Variants in PKIB observed in about 807,000 individuals in gnomAD.
PKIB encodes the protein cAMP-dependent protein kinase inhibitor beta.
In PKIB, 2 loss-of-function variants were observed where a neutral mutation model predicts 4.5. That is an observed-to-expected ratio of 0.44 (90% CI 0.18 to 1.39). PKIB has a LOEUF of 1.39. Ranked by LOEUF, PKIB falls within the 40% of genes most tolerant of loss-of-function variation. The pLI, the probability that PKIB is intolerant of heterozygous loss-of-function variation, is 0.27. For missense variants in PKIB, 94 were observed against 92.6 expected, an observed-to-expected ratio of 1.02 and a Z score of -0.06; for synonymous variants, 38 against 36.0, an observed-to-expected ratio of 1.06 and a Z score of -0.20.
intron 2 of PKIB, among the ~76,000 whole-genome samples, chr6:122,651,244 C>G (rs1320898093): frequency 1.3e-5 from 2 of 152,172 alleles, no homozygotes; most frequent in Non-Finnish European, 2.9e-5. Flanking sequence ...ATCCCACATA[C>G]TTAATATTCA....
intron 3 of PKIB, chr6:122,717,583 T>C: frequency 3.8e-6 from 2 of 520,220 alleles, no homozygotes; most frequent in South Asian, 3.5e-5. Flanking sequence ...GCAATCTGGC[T>C]CACACTGAGG....
At chr6:122,516,009 G>A (rs934897978) in intron 2 of PKIB, among the ~76,000 whole-genome samples, 4 of 152,052 alleles carry the variant, frequency 2.6e-5, no homozygotes, top group South Asian at 4.2e-4. Flanking sequence ...CACCACGCCC[G>A]GCCTCTTCAT....
intron 3 of PKIB, among the ~76,000 whole-genome samples, chr6:122,684,705 G>A (rs1778029887): frequency 6.6e-6 from 1 of 151,978 alleles, no homozygotes; most frequent in Non-Finnish European, 1.5e-5. Flanking sequence ...CGGCTTTTTT[G>A]TTTTTAGTTT....
At chr6:122,482,717 A>C (rs1041285367) in intron 2 of PKIB, 13 of 151,558 alleles carry the variant, frequency 8.6e-5, no homozygotes, top group African/African-American at 3.2e-4. Context: ...CACCCGGCTA[A>C]TTTTTGTATT....
At chr6:122,697,785 G>A (rs1778633993) in intron 3 of PKIB, among the ~76,000 whole-genome samples, 1 of 152,162 alleles carries the variant, frequency 6.6e-6, no homozygotes, top group African/African-American at 2.4e-5. Flanking sequence ...AGATTCCATT[G>A]TGTATTCTGA....
At chr6:122,569,278 T>G (rs947581900) in intron 2 of PKIB, among the ~76,000 whole-genome samples, 12 of 152,176 alleles carry the variant, frequency 7.9e-5, no homozygotes, top group Non-Finnish European at 1.8e-4. Context: ...CCTGGGTAAC[T>G]TAGGGCAAAC....
chr6:122,549,746 T>C (rs1469830997), intron 2 of PKIB, among the ~76,000 whole-genome samples: 1 of 151,254 alleles, frequency 6.6e-6, no homozygotes, highest in Admixed American at 6.6e-5. Context: ...TTTCCAGTTC[T>C]CTTCGCTAGA....
intron 3 of PKIB, among the ~76,000 whole-genome samples, chr6:122,708,454 C>T (rs1396127088): frequency 6.6e-6 from 1 of 152,022 alleles, no homozygotes; most frequent in Non-Finnish European, 1.5e-5. Context: ...AAAATTTCAC[C>T]TTTAGGGAGA....
chr6:122,591,517 T>A (rs1250750542), intron 3 of PKIB, among the ~76,000 whole-genome samples: 2 of 152,138 alleles, frequency 1.3e-5, no homozygotes, highest in African/African-American at 2.4e-5. Context: ...TTTTCTCTTA[T>A]CGTTTTCATT....
intron 3 of PKIB, among the ~76,000 whole-genome samples, chr6:122,694,934 T>C (rs563332508): frequency 6.6e-6 from 1 of 152,354 alleles, no homozygotes; most frequent in East Asian, 1.9e-4. Context: ...AAAGGACTGG[T>C]AAATAGAGTG....
chr6:122,628,013 A>C (rs186840062), intron 1 of PKIB, among the ~76,000 whole-genome samples: 17 of 151,706 alleles, frequency 1.1e-4, no homozygotes, highest in Middle Eastern at 3.4e-3. Flanking sequence ...CAAAATTGTG[A>C]TTCTATTGTA....
intron 2 of PKIB, among the ~76,000 whole-genome samples, chr6:122,639,339 G>A (rs938870185): frequency 1.1e-4 from 16 of 152,118 alleles, no homozygotes; most frequent in Non-Finnish European, 1.8e-4. Flanking sequence ...AAAGAATGAA[G>A]GTGATCATTA....
At chr6:122,699,409 G>A (rs927983199) in intron 3 of PKIB, among the ~76,000 whole-genome samples, 1 of 152,108 alleles carries the variant, frequency 6.6e-6, no homozygotes, top group South Asian at 2.1e-4. Context: ...ATCAGTTGCT[G>A]ATTGGATGGA....
At chr6:122,522,894 A>G (rs1014631910) in intron 2 of PKIB, among the ~76,000 whole-genome samples, 12 of 152,144 alleles carry the variant, frequency 7.9e-5, no homozygotes, top group Admixed American at 7.9e-4. Flanking sequence ...ATATTATAGA[A>G]TCATGTCATC....
At chr6:122,579,162 G>T (rs1396717571) in intron 2 of PKIB, among the ~76,000 whole-genome samples, 1 of 152,124 alleles carries the variant, frequency 6.6e-6, no homozygotes, top group African/African-American at 2.4e-5. Flanking sequence ...GGAGTTCAAG[G>T]TTGCCATAAT....
chr6:122,553,904 C>G (rs1772763421), intron 2 of PKIB, among the ~76,000 whole-genome samples: 1 of 152,154 alleles, frequency 6.6e-6, no homozygotes, highest in South Asian at 2.1e-4. Context: ...GCTGTCAGGC[C>G]AGCTGGAGCT....
chr6:122,703,044 A>G (rs944295678), intron 3 of PKIB, among the ~76,000 whole-genome samples: 9 of 152,170 alleles, frequency 5.9e-5, no homozygotes, highest in African/African-American at 2.2e-4. Flanking sequence ...TTGTGCAATA[A>G]TGTGCTACAG....
At chr6:122,723,548 A>C (rs1424466446) in intron 4 of PKIB, among the ~76,000 whole-genome samples, 1 of 151,964 alleles carries the variant, frequency 6.6e-6, no homozygotes, top group African/African-American at 2.4e-5. Context: ...TAAATCTGCC[A>C]TTTTTCACTC....
At chr6:122,495,731 T>G (rs767414390) in intron 2 of PKIB, among the ~76,000 whole-genome samples, 50 of 152,112 alleles carry the variant, frequency 3.3e-4, no homozygotes, top group Non-Finnish European at 6.2e-4. Flanking sequence ...AGCCACCCCT[T>G]TATAAGAAGC....
Sources: gnomAD v4.1 joint callset for allele counts (sites outside exome capture counted in the v4.1 genomes callset) on GRCh38, gnomAD v4.1.1 for gene constraint, MANE v1.5 for transcripts, NCBI Gene and HGNC (gene_info 2026-07-23, HGNC 2026-07-21) for gene names.